SNTG1: variants seen among roughly 807,000 people sequenced by gnomAD.
The protein encoded by SNTG1 is gamma-1-syntrophin.
In SNTG1, 39 loss-of-function variants were observed where a neutral mutation model predicts 74.7. The observed-to-expected ratio is 0.52, with a 90% CI of 0.40 to 0.68. SNTG1 has a LOEUF of 0.68. Ranked by LOEUF, SNTG1 falls within the 30% of genes least tolerant of loss-of-function variation. SNTG1 has a pLI of 0.00. For synonymous variants in SNTG1, 254 were observed against 217.1 expected (o/e 1.17, Z -1.49); for missense variants, 685 against 609.5 (o/e 1.12, Z -1.30).
chr8:50,590,729 T>C, intron 12 of SNTG1, 150 bp from the exon 13 acceptor site: 2 of 480,992 alleles, frequency 4.2e-6, no homozygotes, highest in East Asian at 7.8e-5. Context: ...AATCTGTTTA[T>C]ATATGTTGTT....
chr8:50,403,480 T>C (rs1160506622), intron 4 of SNTG1, among the ~76,000 whole-genome samples: 2 of 152,172 alleles, frequency 1.3e-5, no homozygotes, highest in South Asian at 2.1e-4. Flanking sequence ...TGGTTAATAA[T>C]AGAGAAGTGA....
chr8:50,135,043 A>T (rs924093338), intron 1 of SNTG1, among the ~76,000 whole-genome samples: 10 of 152,188 alleles, frequency 6.6e-5, no homozygotes, highest in Admixed American at 1.3e-4. Flanking sequence ...TCAACCCGGT[A>T]GTTGGCCTGG....
chr8:50,143,323 A>G lies in SNTG1; in HGVS notation c.-102-29238A>G, dbSNP rs1319149619. On this transcript the variant is annotated intron_variant, in intron 1 of 18. Coordinates refer to ENST00000642720, the MANE Select transcript of SNTG1 (RefSeq NM_018967.5). ...GTTTTGCCTTGCTATATTTTGTACTACTAAATTTTTATTGAGAAAAACGTT... is the reference window on the plus strand; with the variant it reads ...GTTTTGCCTTGCTATATTTTGTACTGCTAAATTTTTATTGAGAAAAACGTT... Among the ~76,000 whole-genome samples the G allele has an allele frequency of 2.0e-5, 3 of 152,110 alleles. 1 individual carries two copies. The highest frequency in any genetic ancestry group is 4.4e-5 in the Non-Finnish European group (3 of 68,034).
At chr8:50,302,014 G>A (rs115190056) in intron 2 of SNTG1, among the ~76,000 whole-genome samples, 10,539 of 151,926 alleles carry the variant, frequency 0.069, 409 homozygotes, top group African/African-American at 0.085. Context: ...CTGCCACCAC[G>A]CCCAGCTACT....
intron 15 of SNTG1, among the ~76,000 whole-genome samples, chr8:50,694,383 A>G (rs987504838): frequency 1.3e-5 from 2 of 152,110 alleles, no homozygotes; most frequent in Non-Finnish European, 2.9e-5. Flanking sequence ...CTAAGAGTAA[A>G]TGCTGAAAAA....
At chr8:50,725,184 C>T (rs998452291) in intron 17 of SNTG1, among the ~76,000 whole-genome samples, 3 of 152,090 alleles carry the variant, frequency 2.0e-5, no homozygotes, top group South Asian at 2.1e-4. Flanking sequence ...ATTTGGGCGA[C>T]GTTTTGTTTT....
chr8:50,478,339 T>C (rs59357315), intron 8 of SNTG1, among the ~76,000 whole-genome samples: 6,030 of 152,272 alleles, frequency 0.04, 125 homozygotes, highest in Middle Eastern at 0.11. Context: ...GGATTAATCT[T>C]GTATTATTTT....
At chr8:50,099,635 C>G (rs1281088816) in intron 1 of SNTG1, among the ~76,000 whole-genome samples, 2 of 152,100 alleles carry the variant, frequency 1.3e-5, no homozygotes, top group East Asian at 1.9e-4. Context: ...CCATTCTCCA[C>G]ATTCTCACTA....
At position 50,300,825 on chromosome 8, in the gene SNTG1, A is replaced by G. The variant is rs190953335; in HGVS notation, c.-27-93387A>G. Among the ~76,000 whole-genome samples, 685 of 152,242 alleles carry G rather than the reference A, an allele frequency of 4.5e-3. 2 individuals carry two copies. Among genetic ancestry groups the G allele is most frequent in the Non-Finnish European group, 7.3e-3 (495 of 68,000 alleles). ...ATTTAATTTGCCTGTATTCTGAAAG[A>G]TAGTTTTGTTAGATATAGACTTTTC... On this transcript the variant is annotated intron_variant, in intron 2 of 18. Coordinates refer to ENST00000642720, the MANE Select transcript of SNTG1 (RefSeq NM_018967.5).
rs892982428 is a variant in SNTG1, at chr8:50,608,440, T to C, written c.849+17523T>C. Among the ~76,000 whole-genome samples the C allele has an allele frequency of 3.9e-5, 6 of 151,958 alleles. No individual in the cohort carries two copies. The South Asian group carries it at 8.3e-4, about 21-fold the overall frequency. On this transcript the variant is annotated intron_variant, in intron 13 of 18. Coordinates refer to ENST00000642720, the MANE Select transcript of SNTG1 (RefSeq NM_018967.5). ...TCAAAATATATTGACATTTGTGTCA[T>C]CATGAAATGTCGTTCTTTTTCTGTA...
chr8:49,939,401 A>G (rs931887624), intron 1 of SNTG1, among the ~76,000 whole-genome samples: 4 of 152,188 alleles, frequency 2.6e-5, no homozygotes, highest in African/African-American at 9.7e-5. Flanking sequence ...CTTGTCATTG[A>G]CCACTTAGTA....
Position 50,193,022 on chromosome 8 carries a change from T to C in SNTG1, c.-28+20387T>C, listed in dbSNP as rs189766024. On this transcript the variant is annotated intron_variant, in intron 2 of 18. Coordinates refer to ENST00000642720, the MANE Select transcript of SNTG1 (RefSeq NM_018967.5). ...TCATTGGTCTGTGTGCCTTTTTTTATACCAGTACCATGCTGTTTGGGTGAC... is the reference window on the plus strand; with the variant it reads ...TCATTGGTCTGTGTGCCTTTTTTTACACCAGTACCATGCTGTTTGGGTGAC... 3.2e-4 allele frequency among the ~76,000 whole-genome samples: 49 copies of C among 152,304 alleles called. No homozygotes were observed. In the East Asian group the frequency reaches 8.5e-3, roughly 26 times the overall value.
At chr8:50,585,735 CAT>C (rs1357106181) in intron 12 of SNTG1, among the ~76,000 whole-genome samples, 1 of 151,768 alleles carries the variant, frequency 6.6e-6, no homozygotes, top group Non-Finnish European at 1.5e-5. Flanking sequence ...CTATATTAAT[CAT>C]ATGAATAATA....
At chr8:50,623,994 T>G (rs1046472540) in intron 13 of SNTG1, among the ~76,000 whole-genome samples, 2 of 152,038 alleles carry the variant, frequency 1.3e-5, no homozygotes, top group South Asian at 4.1e-4. Flanking sequence ...TAATCCTCTA[T>G]TAATGTAAAT....
At chr8:50,590,986 C>G (rs538555809) in intron 13 of SNTG1, 69 bp downstream of exon 13, 2 of 1,098,008 alleles carry the variant, frequency 1.8e-6, no homozygotes, top group Admixed American at 6.1e-5. Context: ...TAGAAGATAA[C>G]GTTACCTGAT....
At chr8:49,974,219 T>C (rs1441820264) in intron 1 of SNTG1, among the ~76,000 whole-genome samples, 2 of 152,286 alleles carry the variant, frequency 1.3e-5, no homozygotes, top group East Asian at 3.9e-4. Flanking sequence ...TTCCCAAAAA[T>C]TACCTTAGAG....
intron 1 of SNTG1, among the ~76,000 whole-genome samples, chr8:49,956,885 C>G (rs1810226974): frequency 6.6e-6 from 1 of 152,038 alleles, no homozygotes; most frequent in Admixed American, 6.6e-5. Flanking sequence ...TTCCCCTCCT[C>G]CAGCTTTATT....
chr8:50,163,543 C>T (rs2082503478), intron 1 of SNTG1: 1 of 146,582 alleles, frequency 6.8e-6, no homozygotes, highest in Non-Finnish European at 1.5e-5. Flanking sequence ...GTGGCGAGAT[C>T]TCGGGTCACT....
At chr8:49,993,332 T>TA (rs1474418770) in intron 1 of SNTG1, among the ~76,000 whole-genome samples, 4 of 150,108 alleles carry the variant, frequency 2.7e-5, no homozygotes, top group Admixed American at 6.7e-5. Context: ...AGCTTTTATT[T>TA]AAAAATTTTT....
Sources: allele counts gnomAD v4.1 joint callset (sites outside exome capture counted in the v4.1 genomes callset), GRCh38; gene constraint gnomAD v4.1.1; transcripts MANE v1.5; gene names NCBI Gene and HGNC (gene_info 2026-07-23, HGNC 2026-07-21).